MLIP: variants seen among roughly 807,000 people sequenced by gnomAD.
MLIP encodes muscular LMNA-interacting protein.
MLIP carries 79 observed loss-of-function variants against 84.8 expected under a neutral mutation model. The observed-to-expected ratio is 0.93, with a 90% CI of 0.78 to 1.12. The LOEUF (loss-of-function observed/expected upper bound fraction) is 1.12, where lower values mean the gene tolerates loss of function less well. Ranked by LOEUF, MLIP falls within the 50% of genes most tolerant of loss-of-function variation. The pLI, the probability that MLIP is intolerant of heterozygous loss-of-function variation, is 0.00. For missense variants in MLIP, 1,257 were observed against 1,160.6 expected (o/e 1.08, Z -1.21); for synonymous variants, 504 against 463.0 (o/e 1.09, Z -1.14).
intron 11 of MLIP, among the ~76,000 whole-genome samples, chr6:54,211,718 G>A (rs759260651): frequency 3.9e-5 from 6 of 152,072 alleles, no homozygotes; most frequent in Non-Finnish European, 7.4e-5. Context: ...AGTAGGTGGC[G>A]GCCAGGGATA....
chr6:54,064,702 A>G (rs1330320779), intron 1 of MLIP, among the ~76,000 whole-genome samples: 1 of 99,552 alleles, frequency 1.0e-5, no homozygotes, highest in Non-Finnish European at 2.9e-5. Flanking sequence ...TAAACTGTAT[A>G]GATACACCAG....
chr6:54,158,289 C>A (rs760189683), intron 5 of MLIP, among the ~76,000 whole-genome samples: 6 of 152,050 alleles, frequency 3.9e-5, no homozygotes, highest in Admixed American at 6.6e-5. Context: ...GAGAAGGGAA[C>A]CTGTAATTCT....
intron 1 of MLIP, among the ~76,000 whole-genome samples, chr6:54,075,755 G>T (rs1766765309): frequency 6.6e-6 from 1 of 152,050 alleles, no homozygotes; most frequent in African/African-American, 2.4e-5. Flanking sequence ...ATTCCATATG[G>T]GCTCCTGGTC....
At chr6:54,214,373 C>G (rs975786591) in intron 11 of MLIP, among the ~76,000 whole-genome samples, 8 of 152,182 alleles carry the variant, frequency 5.3e-5, no homozygotes, top group Non-Finnish European at 1.0e-4. Context: ...GAAAAATTCT[C>G]TCTAATCTCT....
intron 4 of MLIP, among the ~76,000 whole-genome samples, chr6:54,146,058 T>C (rs1323446262): frequency 6.6e-6 from 1 of 152,120 alleles, no homozygotes; most frequent in East Asian, 1.9e-4. Flanking sequence ...ATAAAGATAA[T>C]GCCTAAAGCC....
chr6:54,239,558 G>A (rs1781592584), intron 12 of MLIP, among the ~76,000 whole-genome samples: 1 of 150,504 alleles, frequency 6.6e-6, no homozygotes, highest in Non-Finnish European at 1.5e-5. Context: ...ATCATTTGAG[G>A]TCAGGAGTTC....
intron 1 of MLIP, among the ~76,000 whole-genome samples, chr6:54,073,951 C>A (rs1766639640): frequency 6.6e-6 from 1 of 152,188 alleles, no homozygotes; most frequent in African/African-American, 2.4e-5. Flanking sequence ...ATAAAAAATT[C>A]TTGCAAGCAG....
intron 11 of MLIP, among the ~76,000 whole-genome samples, chr6:54,210,589 T>C (rs1156813437): frequency 1.3e-5 from 2 of 151,784 alleles, no homozygotes; most frequent in African/African-American, 4.8e-5. Flanking sequence ...TTGAAATAGT[T>C]AATTCAACAG....
intron 11 of MLIP, among the ~76,000 whole-genome samples, chr6:54,207,887 A>T (rs1314351388): frequency 6.6e-6 from 1 of 152,188 alleles, no homozygotes; most frequent in Non-Finnish European, 1.5e-5. Flanking sequence ...GCACTTTGGG[A>T]GGCCGAGGTG....
chr6:54,140,604 T>C (rs188593898), intron 4 of MLIP, among the ~76,000 whole-genome samples: 384 of 152,272 alleles, frequency 2.5e-3, no homozygotes, highest in African/African-American at 9.0e-3. Flanking sequence ...TATGAGACAA[T>C]GCTATTCTTT....
At position 54,124,705 on chromosome 6, in the gene MLIP, C is replaced by G; in HGVS notation, c.485C>G (p.Pro162Arg). The change falls in exon 3 of 14, where the codon CCA (proline) becomes CGA (arginine). Residue 162 changes from proline (P) to arginine (R), a missense_variant. Pro to Arg is a moderately radical substitution (Grantham distance 103, BLOSUM62 -2). Transcript: ENST00000502396. ...AGCAGAAAAGTTGAACAAGGCCCCC[C>G]AGGGGGGATTGGCACCGCAGCTGTC... ...AASRKVEQGP[P>R]GGIGTAAVRP... 5 of 1,614,188 alleles carry G rather than the reference C, an allele frequency of 3.1e-6. No homozygotes were observed. The highest frequency in any genetic ancestry group is 4.2e-6 in the Non-Finnish European group (5 of 1,180,024).
upstream of MLIP, among the ~76,000 whole-genome samples, chr6:54,107,700 G>A (rs966920013): frequency 1.3e-5 from 2 of 152,158 alleles, no homozygotes; most frequent in African/African-American, 4.8e-5. Flanking sequence ...CACTGCTCCC[G>A]TCACGAGTGA....
At chr6:54,084,212 G>C (rs765411699) in intron 1 of MLIP, among the ~76,000 whole-genome samples, 7 of 151,968 alleles carry the variant, frequency 4.6e-5, no homozygotes, top group Non-Finnish European at 8.8e-5. Flanking sequence ...TGGCATCCCA[G>C]TATTTGTACA....
intron 1 of MLIP, among the ~76,000 whole-genome samples, chr6:54,044,346 A>T (rs1454011641): frequency 6.6e-6 from 1 of 152,230 alleles, no homozygotes; most frequent in African/African-American, 2.4e-5. Context: ...ATCTCTAAGC[A>T]TGATGGATTG....
At chr6:54,172,852 C>G (rs1017335612) in intron 9 of MLIP, among the ~76,000 whole-genome samples, 1 of 151,654 alleles carries the variant, frequency 6.6e-6, no homozygotes, top group African/African-American at 2.4e-5. Context: ...CTAATTCAGA[C>G]TAATTAAAGT....
chr6:54,189,820 T>C (rs1777738897), intron 9 of MLIP, 50 bp from the exon 10 acceptor site: 1 of 1,371,644 alleles, frequency 7.3e-7, no homozygotes, highest in Non-Finnish European at 1.0e-6. Flanking sequence ...ACATACATAT[T>C]TTAATAAATT....
intron 4 of MLIP, among the ~76,000 whole-genome samples, chr6:54,146,521 A>G (rs1772855002): frequency 6.6e-6 from 1 of 152,192 alleles, no homozygotes; most frequent in African/African-American, 2.4e-5. Flanking sequence ...AATAGGACCA[A>G]TGAGATAAGT....
In MLIP at chr6:54,139,225, G is replaced by T. The variant is rs368439732; in HGVS notation, c.2217+939G>T. Among the ~76,000 whole-genome samples, 3 of 152,194 alleles carry T rather than the reference G, an allele frequency of 2.0e-5. No homozygotes were observed. The South Asian group carries it at 6.2e-4, about 32-fold the overall frequency. The stretch of plus-strand genomic sequence containing the variant: ...AGTAGAAAAAAATATACACAATTTG[G>T]AGAGGCTATATACAGTTATTAAATC... On this transcript the variant is annotated intron_variant, in intron 4 of 13. Transcript: ENST00000502396.
At chr6:54,211,545 T>G (rs962848105) in intron 11 of MLIP, among the ~76,000 whole-genome samples, 1 of 152,190 alleles carries the variant, frequency 6.6e-6, no homozygotes, top group African/African-American at 2.4e-5. Flanking sequence ...ACAGAAACAG[T>G]TTTGAAGTGT....
Sources: gnomAD v4.1 joint callset for allele counts (sites outside exome capture counted in the v4.1 genomes callset) on GRCh38, gnomAD v4.1.1 for gene constraint, MANE v1.5 for transcripts, NCBI Gene and HGNC (gene_info 2026-07-23, HGNC 2026-07-21) for gene names.